TRIM9: variants seen among roughly 807,000 people sequenced by gnomAD.
TRIM9 encodes E3 ubiquitin-protein ligase TRIM9.
In TRIM9, 26 loss-of-function variants were observed where a neutral mutation model predicts 78.3. The ratio of observed to expected loss-of-function variants is 0.33; its 90% confidence interval spans 0.24 to 0.46. The LOEUF (loss-of-function observed/expected upper bound fraction) is 0.46, where lower values mean the gene tolerates loss of function less well. Ranked by LOEUF, TRIM9 falls within the 20% of genes least tolerant of loss-of-function variation. The pLI, the probability that TRIM9 is intolerant of heterozygous loss-of-function variation, is 1.00. For missense variants in TRIM9, 787 were observed against 1,036.4 expected, an observed-to-expected ratio of 0.76 and a Z score of 3.30; for synonymous variants, 398 against 416.5, an observed-to-expected ratio of 0.96 and a Z score of 0.54.
At chr14:51,047,471 G>A (rs1396951895) in intron 1 of TRIM9, among the ~76,000 whole-genome samples, 1 of 152,120 alleles carries the variant, frequency 6.6e-6, no homozygotes, top group Admixed American at 6.5e-5. Context: ...GGTGCAATGA[G>A]GACACCATAG....
intron 7 of TRIM9, among the ~76,000 whole-genome samples, chr14:50,987,922 T>G (rs2052936958): frequency 6.6e-6 from 1 of 152,168 alleles, no homozygotes; most frequent in African/African-American, 2.4e-5. Flanking sequence ...AACCTCAGCC[T>G]CCAGAGTAGC....
intron 1 of TRIM9, among the ~76,000 whole-genome samples, chr14:51,079,653 C>T (rs964146574): frequency 6.6e-6 from 1 of 152,140 alleles, no homozygotes; most frequent in Non-Finnish European, 1.5e-5. Context: ...AGGTATAATT[C>T]AAGGAACTGT....
At position 50,977,278 on chromosome 14, in the gene TRIM9, C is replaced by A; in HGVS notation, c.*13G>T. On this transcript the variant is annotated 3_prime_UTR_variant, in exon 13 of 13. Transcript: ENST00000684578. ...AGGTAAGAACAGGCAGCTGGCGCCT[C>A]CACGGCACATCCTTAGGCTATTGAT... The A allele has an allele frequency of 6.7e-7, 1 of 1,485,764 alleles. No individual in the cohort carries two copies. The highest frequency in any genetic ancestry group is 9.0e-7 in the Non-Finnish European group (1 of 1,111,952). 92.0% of individuals were successfully genotyped at this position (1,485,764 alleles called of 1,614,324 possible). A position where few individuals can be genotyped will look rare whatever the true frequency, so the allele number is the denominator to read the frequency against.
rs541088199 is a variant in TRIM9 at position 51,018,268 on chromosome 14, GGCCT to G, written c.1041+4563_1041+4566del. Among the ~76,000 whole-genome samples, 783 of 151,470 alleles carry G rather than the reference GGCCT, an allele frequency of 5.2e-3. 5 individuals carry two copies. The highest frequency in any genetic ancestry group is 0.013 in the African/African-American group (555 of 41,256). ...TTTTAATTTTTTTGTGAGCTGGGATGGCCTGCCTGCCTGCCTGCCTTCCTTCCTT... is the reference window on the plus strand; with the variant it reads ...TTTTAATTTTTTTGTGAGCTGGGATGGCCTGCCTGCCTGCCTTCCTTCCTT... On this transcript the variant is annotated intron_variant, in intron 3 of 12. Transcript: ENST00000684578.
chr14:51,072,520 C>T (rs529585086), intron 1 of TRIM9, among the ~76,000 whole-genome samples: 6 of 151,742 alleles, frequency 4.0e-5, no homozygotes, highest in African/African-American at 1.5e-4. Context: ...AAGAGACTTA[C>T]CAATAAAAAA....
rs764304338 is a variant in TRIM9 at position 51,094,076 on chromosome 14, C to T, written c.822+42G>A. On this transcript the variant is annotated intron_variant, in intron 1 of 12. Transcript: ENST00000684578. ...ACCGTCTGCTGCAAAACCGGATGAT[C>T]GGAGACGCAGGGAGTTAGGAGTGGG... 3.8e-6 allele frequency: 6 copies of T among 1,563,806 alleles called. No homozygotes were observed. The South Asian group carries it at 6.9e-5, about 18-fold the overall frequency.
intron 6 of TRIM9, among the ~76,000 whole-genome samples, chr14:50,998,699 C>T (rs1347171598): frequency 6.6e-6 from 1 of 152,154 alleles, no homozygotes; most frequent in Admixed American, 6.5e-5. Flanking sequence ...ACAGAGATTA[C>T]ACTCCAAGCC....
At chr14:51,076,476 G>T (rs141042537) in intron 1 of TRIM9, among the ~76,000 whole-genome samples, 32 of 152,126 alleles carry the variant, frequency 2.1e-4, no homozygotes, top group African/African-American at 7.7e-4. Context: ...CATTTCAGCC[G>T]TTCTTTCCAT....
chr14:51,012,710 G>A (rs1261631161), intron 3 of TRIM9, among the ~76,000 whole-genome samples: 7 of 151,976 alleles, frequency 4.6e-5, no homozygotes, highest in African/African-American at 7.3e-5. Flanking sequence ...CCACATCCTC[G>A]CCCACACTTA....
At chr14:51,023,704 C>T (rs1369440808) in intron 2 of TRIM9, among the ~76,000 whole-genome samples, 1 of 152,096 alleles carries the variant, frequency 6.6e-6, no homozygotes, top group Non-Finnish European at 1.5e-5. Context: ...GAGTTATATG[C>T]AGTTATTAAG....
intron 1 of TRIM9, among the ~76,000 whole-genome samples, chr14:51,035,130 G>A (rs1465646250): frequency 6.6e-6 from 1 of 152,166 alleles, no homozygotes; most frequent in Non-Finnish European, 1.5e-5. Flanking sequence ...CCATATAAAT[G>A]TATGAGATGT....
chr14:50,986,394 G>A (rs1464742721), intron 7 of TRIM9: 1 of 331,714 alleles, frequency 3.0e-6, no homozygotes, highest in Non-Finnish European at 5.4e-6. Context: ...ATTTTTAGTG[G>A]TAGAAAATTG....
At chr14:51,029,698 C>A (rs2058563225) in intron 1 of TRIM9, among the ~76,000 whole-genome samples, 1 of 150,494 alleles carries the variant, frequency 6.6e-6, no homozygotes, top group Non-Finnish European at 1.5e-5. Flanking sequence ...TTCTTATGAG[C>A]CAGGAACTCT....
intron 1 of TRIM9, among the ~76,000 whole-genome samples, chr14:51,049,156 G>A (rs2060189926): frequency 6.6e-6 from 1 of 152,102 alleles, no homozygotes; most frequent in Non-Finnish European, 1.5e-5. Flanking sequence ...CTGTCTCCCA[G>A]GTTTAAGTGA....
intron 1 of TRIM9, among the ~76,000 whole-genome samples, chr14:51,087,378 C>T (rs2063860578): frequency 1.3e-5 from 2 of 152,158 alleles, no homozygotes; most frequent in Admixed American, 1.3e-4. Context: ...GAAATGATGT[C>T]ATGATGATTT....
rs775757427 is a variant in TRIM9, at chr14:51,000,793, A to G, written c.1354T>C (p.Cys452Arg). Residue 452 changes from cysteine (C) to arginine (R), a missense_variant, in exon 6 of 13, where the codon TGT (cysteine) becomes CGT (arginine). Around this residue, in one of 3 missense-constraint regions of TRIM9, gnomAD observed 421 missense variants for 514.3 expected, o/e 0.82. Coordinates refer to ENST00000684578, the MANE Select transcript of TRIM9 (RefSeq NM_001387360.1). The stretch of plus-strand genomic sequence containing the variant: ...AACGTAGCGCTGTTGTTGTGGGTAC[A>G]ACATTCCTCCAGCTGTAGGATAGGG... ...ATPILQLEEC[C>R]THNNSATLSW... The G allele has an allele frequency of 1.9e-6, 3 of 1,614,118 alleles. No homozygotes were observed. In the Admixed American group the frequency reaches 5.0e-5, roughly 27 times the overall value.
intron 1 of TRIM9, among the ~76,000 whole-genome samples, chr14:51,064,163 A>G (rs1248932577): frequency 1.3e-5 from 2 of 151,578 alleles, no homozygotes; most frequent in Non-Finnish European, 2.9e-5. Flanking sequence ...ACTGTGATCA[A>G]TTAGAACATA....
At position 51,020,426 on chromosome 14, in the gene TRIM9, G is replaced by A. The variant is rs73288862; in HGVS notation, c.1041+2409C>T. Among the ~76,000 whole-genome samples the A allele has an allele frequency of 1.7e-3, 253 of 152,240 alleles. 1 individual carries two copies. The highest frequency in any genetic ancestry group is 5.3e-3 in the African/African-American group (221 of 41,550). On this transcript the variant is annotated intron_variant, in intron 3 of 12. Coordinates refer to ENST00000684578, the MANE Select transcript of TRIM9 (RefSeq NM_001387360.1). Reference sequence around the variant, plus strand: ...AAGACAGAACAGCTTTGCTGCTATGGGGGACAGCCAGCCACCTGTCTCTGG... The same window carrying A: ...AAGACAGAACAGCTTTGCTGCTATGAGGGACAGCCAGCCACCTGTCTCTGG...
chr14:51,060,756 T>C (rs1317796566), intron 1 of TRIM9, among the ~76,000 whole-genome samples: 5 of 152,380 alleles, frequency 3.3e-5, no homozygotes, highest in South Asian at 4.1e-4. Flanking sequence ...CGTGAGCCTC[T>C]GCACCCAGCC....
Sources: gnomAD v4.1 joint callset for allele counts (sites outside exome capture counted in the v4.1 genomes callset) on GRCh38, gnomAD v4.1.1 for gene constraint, gnomAD v4.1.1 regional missense constraint, MANE v1.5 for transcripts, NCBI Gene and HGNC (gene_info 2026-07-23, HGNC 2026-07-21) for gene names.